PKHD1L1: variants seen among roughly 807,000 people sequenced by gnomAD.
PKHD1L1 encodes PKHD1 like 1, also known as fibrocystin-L.
Under a neutral mutation model 462.9 loss-of-function variants are expected in PKHD1L1, and 434 were observed. That is an observed-to-expected ratio of 0.94 (90% CI 0.87 to 1.02). The LOEUF (loss-of-function observed/expected upper bound fraction) is 1.02. Among genes scored for constraint, PKHD1L1 ranks in the 50% least tolerant of loss-of-function variants. PKHD1L1 has a pLI of 0.00. For synonymous variants in PKHD1L1, 1,781 were observed against 1,750.0 expected, an observed-to-expected ratio of 1.02 and a Z score of -0.44; for missense variants, 5,202 against 5,096.1, an observed-to-expected ratio of 1.02 and a Z score of -0.63.
intron 47 of PKHD1L1, among the ~76,000 whole-genome samples, chr8:109,461,440 T>C (rs1218359060): frequency 3.3e-5 from 5 of 152,194 alleles, no homozygotes; most frequent in Admixed American, 6.6e-5. Flanking sequence ...TAAAATTGCA[T>C]TGATTATGTT....
intron 41 of PKHD1L1, 121 bp from the exon 42 acceptor site, chr8:109,452,003 G>T: frequency 1.3e-6 from 1 of 782,796 alleles, no homozygotes; most frequent in Non-Finnish European, 1.9e-6. Flanking sequence ...TCTACACTTT[G>T]GTGGCTGATA....
chr8:109,485,572 A>T (rs2130901306), intron 58 of PKHD1L1, among the ~76,000 whole-genome samples: 1 of 152,080 alleles, frequency 6.6e-6, no homozygotes, highest in Middle Eastern at 3.4e-3. Flanking sequence ...GGAAGGATAA[A>T]ACTATAATTG....
At chr8:109,462,140 G>GGATT (rs1817171657) in intron 48 of PKHD1L1, among the ~76,000 whole-genome samples, 1 of 152,066 alleles carries the variant, frequency 6.6e-6, no homozygotes, top group Non-Finnish European at 1.5e-5. Context: ...CCCACAAAAT[G>GGATT]CTGTAACCAG....
At position 109,533,638 on chromosome 8, in the gene PKHD1L1, C is replaced by T. The variant is rs997629741; in HGVS notation, c.*3548C>T. Among the ~76,000 whole-genome samples, 2 of 152,190 alleles carry T rather than the reference C, an allele frequency of 1.3e-5. No homozygotes were observed. The highest frequency in any genetic ancestry group is 2.4e-5 in the African/African-American group (1 of 41,440). ...CTTAAAACATAGCTATTATGCATCC[C>T]TTTGCCTTTTCTTCATCCCTTTCTG... On this transcript the variant is annotated 3_prime_UTR_variant, in exon 78 of 78. Transcript: ENST00000378402.
chr8:109,370,951 T>G (rs1028092108), intron 2 of PKHD1L1, among the ~76,000 whole-genome samples: 3 of 152,222 alleles, frequency 2.0e-5, no homozygotes, highest in African/African-American at 7.2e-5. Flanking sequence ...CTATTGTGAA[T>G]AGTGCCGCAA....
rs956452534 is a variant in PKHD1L1, at chr8:109,436,454, C to A, written c.3622C>A (p.Pro1208Thr). 6.2e-7 allele frequency: 1 copy of A among 1,611,320 alleles called. No homozygotes were observed. The highest frequency in any genetic ancestry group is 1.3e-5 in the African/African-American group (1 of 74,676). Residue 1208 changes from proline to threonine, a missense_variant, in exon 30 of 78, where the codon CCA becomes ACA. Around this residue, in one of 3 missense-constraint regions of PKHD1L1, gnomAD observed 4,497 missense variants for 4,336.8 expected, o/e 1.04. Transcript: ENST00000378402. The stretch of plus-strand genomic sequence containing the variant: ...TTTGAATAGGATAACCTGCAGGACA[C>A]CAAAAGTAAGGCCTCTGATTTCAGT... Reference protein sequence around the residue: ...GDLNRITCRTPKKTEGTVDIS... With the variant: ...GDLNRITCRTTKKTEGTVDIS...
chr8:109,503,219 T>G (rs1819516422), intron 67 of PKHD1L1, among the ~76,000 whole-genome samples: 3 of 150,942 alleles, frequency 2.0e-5, no homozygotes, highest in Non-Finnish European at 4.4e-5. Context: ...GAGGCAGAAT[T>G]GCTTGAACCC....
intron 71 of PKHD1L1, among the ~76,000 whole-genome samples, chr8:109,511,407 A>G (rs2130990346): frequency 7.6e-6 from 1 of 131,972 alleles, no homozygotes; most frequent in Non-Finnish European, 1.5e-5. Flanking sequence ...ATGTGTTCTC[A>G]TTGTTCAATT....
chr8:109,470,214 C>T, intron 50 of PKHD1L1: 1 of 1,059,144 alleles, frequency 9.4e-7, no homozygotes, highest in Non-Finnish European at 1.4e-6. Context: ...ATACCAGTTA[C>T]TCTACTGAGC....
chr8:109,450,962 C>T lies in PKHD1L1; in HGVS notation c.6176-13C>T. The stretch of plus-strand genomic sequence containing the variant: ...ATGGCAGAACTGCATTCAGTCTGAT[C>T]TTCCTTTCATAGGCACGGGAGCTGA... On this transcript the variant is annotated splice_polypyrimidine_tract_variant and intron_variant, in intron 40 of 77. Coordinates refer to ENST00000378402, the MANE Select transcript of PKHD1L1 (RefSeq NM_177531.6). The T allele has an allele frequency of 6.3e-7, 1 of 1,582,832 alleles. No individual in the cohort carries two copies. Among genetic ancestry groups the T allele is most frequent in the Non-Finnish European group, 8.6e-7 (1 of 1,158,004 alleles).
chr8:109,484,962 TTGAA>T (rs1443634314), intron 57 of PKHD1L1, 78 bp from the exon 58 acceptor site: 13 of 1,176,842 alleles, frequency 1.1e-5, no homozygotes, highest in African/African-American at 1.6e-5. Flanking sequence ...TACATTAAAT[TTGAA>T]TGATTTAATA....
At chr8:109,395,853 G>T (rs967780190) in intron 10 of PKHD1L1, among the ~76,000 whole-genome samples, 174 bp from the exon 11 acceptor site, 1 of 152,108 alleles carries the variant, frequency 6.6e-6, no homozygotes, top group Non-Finnish European at 1.5e-5. Flanking sequence ...CATGTCTATT[G>T]TCCTTTTTTC....
chr8:109,457,503 G>T (rs1019301181), intron 46 of PKHD1L1, among the ~76,000 whole-genome samples: 2 of 152,082 alleles, frequency 1.3e-5, no homozygotes, highest in African/African-American at 4.8e-5. Context: ...TGTTCACTGT[G>T]TCATTGATAA....
At chr8:109,442,344 T>C in intron 35 of PKHD1L1, 149 bp downstream of exon 35, 1 of 741,894 alleles carries the variant, frequency 1.3e-6, no homozygotes, top group Non-Finnish European at 2.1e-6. Context: ...GCAGTAAAAA[T>C]GTTACTAATG....
chr8:109,468,303 A>T (rs1404371742), intron 50 of PKHD1L1, among the ~76,000 whole-genome samples: 1 of 152,182 alleles, frequency 6.6e-6, no homozygotes, highest in Admixed American at 6.5e-5. Context: ...CCAGTCTTTT[A>T]GATTTTATAT....
chr8:109,398,606 G>A (rs1813096393), intron 12 of PKHD1L1, 58 bp downstream of exon 12: 4 of 682,040 alleles, frequency 5.9e-6, no homozygotes, highest in African/African-American at 1.9e-5. Context: ...GAATATATTA[G>A]TAAAAAATAT....
At position 109,406,330 on chromosome 8, in the gene PKHD1L1, C is replaced by T. The variant is rs1239167312; in HGVS notation, c.1670-5C>T. The T allele has an allele frequency of 6.5e-7, 1 of 1,542,880 alleles. No individual in the cohort carries two copies. ...GTTTGTTTGTTTGTTTTAATCCAAT[C>T]AAAGTCTTCCTACCTGCTGATGCTT... On this transcript the variant is annotated splice_polypyrimidine_tract_variant and splice_region_variant and intron_variant, in intron 16 of 77. Coordinates refer to ENST00000378402, the MANE Select transcript of PKHD1L1 (RefSeq NM_177531.6).
At chr8:109,407,971 A>G in intron 17 of PKHD1L1, 78 bp from the exon 18 acceptor site, 3 of 954,136 alleles carry the variant, frequency 3.1e-6, no homozygotes, top group Non-Finnish European at 4.1e-6. Context: ...TCTATTAAAT[A>G]TATATAAAAT....
At position 109,464,880 on chromosome 8, in the gene PKHD1L1, T is replaced by G. The variant is rs1480544879; in HGVS notation, c.8048T>G (p.Ile2683Ser). 6.2e-7 allele frequency: 1 copy of G among 1,613,796 alleles called. No individual in the cohort carries two copies. Residue 2683 changes from isoleucine (I) to serine (S), a missense_variant, in exon 49 of 78, where the codon ATT (isoleucine) becomes AGT (serine). This residue lies in a region of PKHD1L1 where 4,497 missense variants were observed against 4,336.8 expected (regional missense o/e 1.04). Coordinates refer to ENST00000378402, the MANE Select transcript of PKHD1L1 (RefSeq NM_177531.6). ...ATGGTGAATAACTATGAGGCTGGAA[T>G]TGAGACTAAGAGGATCCTGGCTCCT... ...FVMVNNYEAG[I>S]ETKRILAPYV...
Sources: allele counts gnomAD v4.1 joint callset (sites outside exome capture counted in the v4.1 genomes callset), GRCh38; gene constraint gnomAD v4.1.1; regional missense constraint gnomAD v4.1.1; transcripts MANE v1.5; gene names NCBI Gene and HGNC (gene_info 2026-07-23, HGNC 2026-07-21).